PDE1C: variants seen among roughly 807,000 people sequenced by gnomAD.
PDE1C encodes the protein dual specificity calcium/calmodulin-dependent 3',5'-cyclic nucleotide phosphodiesterase 1C.
Under a neutral mutation model 93.1 loss-of-function variants are expected in PDE1C, and 62 were observed. The ratio of observed to expected loss-of-function variants is 0.67; its 90% CI spans 0.54 to 0.82. The LOEUF (loss-of-function observed/expected upper bound fraction) is 0.82, where lower values mean the gene tolerates loss of function less well. Ranked by LOEUF, PDE1C falls within the 40% of genes least tolerant of loss-of-function variation. The pLI is 0.00. For missense variants in PDE1C, 742 were observed against 884.6 expected, an observed-to-expected ratio of 0.84 and a Z score of 2.04; for synonymous variants, 325 against 310.1, an observed-to-expected ratio of 1.05 and a Z score of -0.50.
At chr7:32,289,106 T>TA (rs1249132902) in intron 1 of PDE1C, among the ~76,000 whole-genome samples, 4 of 151,930 alleles carry the variant, frequency 2.6e-5, no homozygotes, top group Non-Finnish European at 5.9e-5. Flanking sequence ...TTCAGAAAGG[T>TA]AAAAAAAGAG....
chr7:31,709,584 G>A, the PDE1C span, among the ~76,000 whole-genome samples: 1 of 152,014 alleles, frequency 6.6e-6, no homozygotes, highest in Non-Finnish European at 1.5e-5. Flanking sequence ...TCAGTTATAT[G>A]GCCTTAACTG....
chr7:31,648,636 A>G, the PDE1C span, among the ~76,000 whole-genome samples: 7 of 152,260 alleles, frequency 4.6e-5, no homozygotes, highest in African/African-American at 9.6e-5. Context: ...ATAAAATTCA[A>G]TGTTTATGAT....
the PDE1C span, among the ~76,000 whole-genome samples, chr7:31,723,255 C>T: frequency 1.3e-5 from 2 of 152,100 alleles, no homozygotes; most frequent in Non-Finnish European, 2.9e-5. Context: ...AGTTTTGCAG[C>T]CTGACACCTC....
At chr7:31,676,864 T>C in the PDE1C span, among the ~76,000 whole-genome samples, 1 of 152,156 alleles carries the variant, frequency 6.6e-6, no homozygotes, top group African/African-American at 2.4e-5. Context: ...ACCTCAATCA[T>C]GGACTCTCAA....
chr7:31,750,372 T>G (rs1229208227), downstream of PDE1C, among the ~76,000 whole-genome samples: 1 of 152,140 alleles, frequency 6.6e-6, no homozygotes, highest in Non-Finnish European at 1.5e-5. Context: ...TGGGAATAGC[T>G]AAATGGGTAA....
At chr7:32,181,934 T>C (rs536041069) in intron 2 of PDE1C, among the ~76,000 whole-genome samples, 1 of 151,714 alleles carries the variant, frequency 6.6e-6, no homozygotes, top group South Asian at 2.1e-4. Context: ...GAGAGAAAAA[T>C]CAAATAGATG....
chr7:32,135,294 T>C (rs977363497), intron 3 of PDE1C, among the ~76,000 whole-genome samples: 1 of 152,118 alleles, frequency 6.6e-6, no homozygotes, highest in Non-Finnish European at 1.5e-5. Context: ...TGGTGAGAAG[T>C]GAGAGTTCTC....
intron 2 of PDE1C, among the ~76,000 whole-genome samples, chr7:32,207,810 A>G (rs1438917336): frequency 6.6e-6 from 1 of 152,202 alleles, no homozygotes; most frequent in Non-Finnish European, 1.5e-5. Context: ...GTGAAGGGAC[A>G]AATTGCCTCA....
At chr7:31,826,609 C>T (rs1274554425) in intron 12 of PDE1C, among the ~76,000 whole-genome samples, 3 of 152,240 alleles carry the variant, frequency 2.0e-5, no homozygotes. Context: ...AGAGTTCTGC[C>T]TTTATCTCAG....
At chr7:31,887,557 G>C (rs376714709) in intron 2 of PDE1C, among the ~76,000 whole-genome samples, 1 of 152,110 alleles carries the variant, frequency 6.6e-6, no homozygotes, top group East Asian at 1.9e-4. Flanking sequence ...AAAAAAATTA[G>C]TAATGTTATA....
At chr7:31,954,781 G>T (rs1807894602) in intron 2 of PDE1C, among the ~76,000 whole-genome samples, 1 of 152,020 alleles carries the variant, frequency 6.6e-6, no homozygotes, top group Admixed American at 6.6e-5. Context: ...CCACCAAAAA[G>T]GTTTTTGCTA....
the PDE1C span, among the ~76,000 whole-genome samples, chr7:31,743,655 AGGGAAGCAG>A: frequency 6.6e-6 from 1 of 152,226 alleles, no homozygotes; most frequent in African/African-American, 2.4e-5. Flanking sequence ...CTCAAATTTC[AGGGAAGCAG>A]GGTTTTCTAC....
chr7:32,282,741 C>T (rs1231134118), intron 1 of PDE1C, among the ~76,000 whole-genome samples: 1 of 151,844 alleles, frequency 6.6e-6, no homozygotes, highest in Non-Finnish European at 1.5e-5. Flanking sequence ...CCACCATGCC[C>T]AGCTAATTTT....
intron 17 of PDE1C, among the ~76,000 whole-genome samples, chr7:31,757,769 C>G (rs901097461): frequency 6.6e-6 from 1 of 152,174 alleles, no homozygotes; most frequent in South Asian, 2.1e-4. Flanking sequence ...ACTAGAAATA[C>G]CACTTGACCC....
rs575043129 is a variant in PDE1C at position 31,777,838 on chromosome 7, G to A, written c.1892-2106C>T. Among the ~76,000 whole-genome samples, 55 of 152,242 alleles carry A rather than the reference G, an allele frequency of 3.6e-4. 1 individual carries two copies. Among genetic ancestry groups the A allele is most frequent in the African/African-American group, 1.3e-3 (54 of 41,540 alleles). On this transcript the variant is annotated intron_variant, in intron 16 of 17. Transcript: ENST00000396191. The stretch of plus-strand genomic sequence containing the variant: ...GAAGTGAAGGGAACTGTATCTGGCG[G>A]GACTTTATTTCTCCATTTTCCAGGT...
the PDE1C span, among the ~76,000 whole-genome samples, chr7:31,650,431 T>C: frequency 6.6e-6 from 1 of 152,028 alleles, no homozygotes; most frequent in Non-Finnish European, 1.5e-5. Flanking sequence ...TATATTTAAA[T>C]GAGAAAACCA....
chr7:31,949,309 A>C lies in PDE1C; in HGVS notation c.129-68449T>G, dbSNP rs192947906. Among the ~76,000 whole-genome samples the C allele has an allele frequency of 4.7e-3, 716 of 152,092 alleles. 6 individuals carry two copies. Among genetic ancestry groups the C allele is most frequent in the African/African-American group, 0.016 (675 of 41,474 alleles). ...CCTCATTTCTACTAAAAATGCAAAA[A>C]ATTAGCCAGACATGGTGGCACACAC... On this transcript the variant is annotated intron_variant, in intron 2 of 17. Coordinates refer to ENST00000396191, the MANE Select transcript of PDE1C (RefSeq NM_001191057.4).
At chr7:32,397,886 G>GGCAT (rs982527580) in intron 1 of PDE1C, among the ~76,000 whole-genome samples, 1 of 152,066 alleles carries the variant, frequency 6.6e-6, no homozygotes, top group African/African-American at 2.4e-5. Context: ...CGGGCATGGT[G>GGCAT]GCATGCACCT....
At chr7:31,676,950 A>G in the PDE1C span, among the ~76,000 whole-genome samples, 2 of 152,202 alleles carry the variant, frequency 1.3e-5, no homozygotes, top group African/African-American at 4.8e-5. Flanking sequence ...CCAGCATTCC[A>G]TCCAGTAACC....
Sources: allele counts gnomAD v4.1 joint callset (sites outside exome capture counted in the v4.1 genomes callset), GRCh38; gene constraint gnomAD v4.1.1; transcripts MANE v1.5; gene names NCBI Gene and HGNC (gene_info 2026-07-23, HGNC 2026-07-21).